FGGY: variants seen among roughly 807,000 people sequenced by gnomAD.
FGGY encodes FGGY carbohydrate kinase domain-containing protein.
In FGGY, 72 loss-of-function variants were observed where a neutral mutation model predicts 71.3. The ratio of observed to expected loss-of-function variants is 1.01; its 90% CI spans 0.84 to 1.23. The LOEUF is 1.23. Ranked by LOEUF, FGGY falls within the 50% of genes most tolerant of loss-of-function variation. FGGY has a pLI of 0.00. For missense variants in FGGY, 668 were observed against 682.3 expected, an observed-to-expected ratio of 0.98 and a Z score of 0.23; for synonymous variants, 251 against 250.3, an observed-to-expected ratio of 1.00 and a Z score of -0.02.
intron 14 of FGGY, among the ~76,000 whole-genome samples, chr1:59,728,179 C>G (rs2097972593): frequency 6.6e-6 from 1 of 152,018 alleles, no homozygotes; most frequent in Admixed American, 6.6e-5. Context: ...TCTCTCCTCT[C>G]TTAGCATATC....
chr1:59,349,050 T>C (rs1016902682), intron 4 of FGGY, among the ~76,000 whole-genome samples: 1 of 152,188 alleles, frequency 6.6e-6, no homozygotes, highest in Non-Finnish European at 1.5e-5. Context: ...CCCGGTACCC[T>C]GCTTTGAGTT....
intron 8 of FGGY, among the ~76,000 whole-genome samples, chr1:59,562,770 G>A (rs1357029495): frequency 6.6e-6 from 1 of 152,204 alleles, no homozygotes; most frequent in Non-Finnish European, 1.5e-5. Flanking sequence ...GGCCAGGAAA[G>A]TAGGATCAAA....
intron 7 of FGGY, among the ~76,000 whole-genome samples, chr1:59,518,200 T>C (rs1412067108): frequency 1.3e-5 from 2 of 152,140 alleles, no homozygotes; most frequent in African/African-American, 4.8e-5. Flanking sequence ...ATTGAGCCAG[T>C]CTTGCAAAAA....
chr1:59,462,090 C>T (rs1176632031), intron 6 of FGGY, among the ~76,000 whole-genome samples: 1 of 149,848 alleles, frequency 6.7e-6, no homozygotes, highest in East Asian at 2.0e-4. Flanking sequence ...GGTTTTTTGT[C>T]CTTGCGATAG....
rs1400240606 is a variant in FGGY at position 59,607,783 on chromosome 1, T to G, written c.904-20T>G. ...CCCTGAGAGTCAATGTTTTCACATATTTTCCATCTTTCTTTCCAGATCAGC... is the reference window on the plus strand; with the variant it reads ...CCCTGAGAGTCAATGTTTTCACATAGTTTCCATCTTTCTTTCCAGATCAGC... On this transcript the variant is annotated intron_variant, in intron 8 of 15. Transcript: ENST00000303721. 4 of 1,593,594 alleles carry G rather than the reference T, an allele frequency of 2.5e-6. No individual in the cohort carries two copies. In the Admixed American group the frequency reaches 6.7e-5, roughly 27 times the overall value.
intron 14 of FGGY, among the ~76,000 whole-genome samples, chr1:59,738,868 C>A (rs992636382): frequency 2.0e-5 from 3 of 152,190 alleles, no homozygotes; most frequent in Non-Finnish European, 4.4e-5. Context: ...ACAGGAATGC[C>A]ATCCTAGCTG....
At chr1:59,413,697 A>C (rs997252975) in intron 5 of FGGY, among the ~76,000 whole-genome samples, 1 of 152,230 alleles carries the variant, frequency 6.6e-6, no homozygotes, top group Non-Finnish European at 1.5e-5. Flanking sequence ...GGCCAGACAC[A>C]TGACTGTAAT....
chr1:59,348,074 A>AT (rs766049764), intron 4 of FGGY, among the ~76,000 whole-genome samples: 2 of 152,224 alleles, frequency 1.3e-5, no homozygotes, highest in African/African-American at 2.4e-5. Flanking sequence ...AAGGGCTAAT[A>AT]TCCAGAATCT....
chr1:59,581,251 T>C (rs555055866), intron 8 of FGGY, among the ~76,000 whole-genome samples: 10 of 150,058 alleles, frequency 6.7e-5, no homozygotes, highest in South Asian at 2.1e-4. Context: ...TTTTATTCTT[T>C]CCTATTTTTA....
At chr1:59,530,461 G>C (rs748910362) in intron 7 of FGGY, among the ~76,000 whole-genome samples, 1 of 152,116 alleles carries the variant, frequency 6.6e-6, no homozygotes, top group Admixed American at 6.6e-5. Flanking sequence ...CATTCTGATT[G>C]GACAAACAGG....
At chr1:59,694,230 A>C (rs1425321894) in intron 14 of FGGY, among the ~76,000 whole-genome samples, 1 of 151,878 alleles carries the variant, frequency 6.6e-6, no homozygotes. Context: ...AGGAGCTTGC[A>C]GTGAGTTGAG....
chr1:59,677,376 C>T (rs147391662), intron 14 of FGGY, among the ~76,000 whole-genome samples: 21 of 152,294 alleles, frequency 1.4e-4, no homozygotes, highest in African/African-American at 5.1e-4. Flanking sequence ...GATGTTTTAT[C>T]TTCTCATGGA....
chr1:59,500,125 T>C (rs1281990334), intron 6 of FGGY, among the ~76,000 whole-genome samples: 2 of 152,158 alleles, frequency 1.3e-5, no homozygotes, highest in Non-Finnish European at 2.9e-5. Context: ...TGGAAGCTCA[T>C]TGATAACCAC....
intron 11 of FGGY, among the ~76,000 whole-genome samples, chr1:59,651,759 C>T (rs1281197749): frequency 1.3e-5 from 2 of 150,346 alleles, no homozygotes; most frequent in Admixed American, 1.3e-4. Context: ...TACATTTAAA[C>T]TTAATATTGT....
chr1:59,408,040 A>G (rs2063027149), intron 5 of FGGY, among the ~76,000 whole-genome samples: 1 of 152,198 alleles, frequency 6.6e-6, no homozygotes, highest in Non-Finnish European at 1.5e-5. Flanking sequence ...TCTCATAAGT[A>G]ATACTAGAAA....
chr1:59,543,174 C>T (rs2153690240), intron 7 of FGGY, among the ~76,000 whole-genome samples: 1 of 152,290 alleles, frequency 6.6e-6, no homozygotes, highest in South Asian at 2.1e-4. Flanking sequence ...AGCCACATGT[C>T]ATTCATTGTG....
At chr1:59,335,375 T>C (rs2049280346) in intron 2 of FGGY, among the ~76,000 whole-genome samples, 1 of 152,220 alleles carries the variant, frequency 6.6e-6, no homozygotes, top group African/African-American at 2.4e-5. Flanking sequence ...TGTTGTTACA[T>C]ATATCAGTAG....
chr1:59,466,512 C>T (rs1258568965), intron 6 of FGGY, among the ~76,000 whole-genome samples: 5 of 152,084 alleles, frequency 3.3e-5, no homozygotes, highest in Non-Finnish European at 7.4e-5. Flanking sequence ...AATGGGATCT[C>T]ATTAAACTAA....
chr1:59,488,389 TA>T (rs2093718728), intron 6 of FGGY, among the ~76,000 whole-genome samples: 1 of 151,672 alleles, frequency 6.6e-6, no homozygotes, highest in African/African-American at 2.4e-5. Context: ...ATATTAAGTG[TA>T]AAAAACTTAG....
Sources: gnomAD v4.1 joint callset for allele counts (sites outside exome capture counted in the v4.1 genomes callset) on GRCh38, gnomAD v4.1.1 for gene constraint, MANE v1.5 for transcripts, NCBI Gene and HGNC (gene_info 2026-07-23, HGNC 2026-07-21) for gene names.